Variants in RSBN1L observed in about 807,000 individuals in gnomAD.
The protein encoded by RSBN1L is lysine-specific demethylase RSBN1L.
In RSBN1L, 30 loss-of-function variants were observed where a neutral mutation model predicts 67.7. The ratio of observed to expected loss-of-function variants is 0.44; its 90% CI spans 0.33 to 0.60. The LOEUF (loss-of-function observed/expected upper bound fraction) is 0.60. RSBN1L is among the 20% of genes least tolerant of loss of function. RSBN1L has a pLI of 0.02. For missense variants in RSBN1L, 992 were observed against 1,031.7 expected (o/e 0.96, Z 0.53); for synonymous variants, 433 against 387.0 (o/e 1.12, Z -1.39).
chr7:77,779,206 T>A lies in RSBN1L; in HGVS notation c.*38T>A, dbSNP rs774943664. 5.0e-5 allele frequency: 69 copies of A among 1,386,400 alleles called. No individual in the cohort carries two copies. The East Asian group carries it at 7.0e-4, about 14-fold the overall frequency. The allele number at this position is 1,386,400 out of a possible 1,614,324, so 85.9% of individuals were successfully genotyped here. ...CATCTAAAATCCTTTTTTAAAAAAATTTAATGTAATAAAGATTCATGAATT... is the reference window on the plus strand; with the variant it reads ...CATCTAAAATCCTTTTTTAAAAAAAATTAATGTAATAAAGATTCATGAATT... On this transcript the variant is annotated 3_prime_UTR_variant, in exon 8 of 8. Transcript: ENST00000334955.
chr7:77,770,213 A>G (rs1791828347), intron 5 of RSBN1L, among the ~76,000 whole-genome samples: 1 of 152,128 alleles, frequency 6.6e-6, no homozygotes, highest in Non-Finnish European at 1.5e-5. Context: ...GTCTCTACTA[A>G]AAATAGAACA....
intron 5 of RSBN1L, among the ~76,000 whole-genome samples, chr7:77,769,099 G>A (rs1791812292): frequency 6.6e-6 from 1 of 152,142 alleles, no homozygotes. Flanking sequence ...AGACTAAAAT[G>A]TTTTGTGGAG....
At chr7:77,705,667 A>G (rs559585473) in intron 1 of RSBN1L, among the ~76,000 whole-genome samples, 74 of 152,022 alleles carry the variant, frequency 4.9e-4, no homozygotes, top group Middle Eastern at 3.4e-3. Context: ...GCATGCCACC[A>G]TGCCCAGCTA....
Position 77,782,762 on chromosome 7 carries a change from G to A in RSBN1L, c.*3594G>A, listed in dbSNP as rs142499117. ...GGAAGATTTTATTTTTTAAGTTGTC[G>A]TTAAGGTATTTCATTAGTGTTCCTG... On this transcript the variant is annotated 3_prime_UTR_variant, in exon 8 of 8. Transcript: ENST00000334955. The A allele has an allele frequency of 1.3e-4, 20 of 152,012 alleles. No homozygotes were observed. The highest frequency in any genetic ancestry group is 3.9e-4 in the African/African-American group (16 of 41,392). 9.4% of individuals were successfully genotyped at this position (152,012 alleles called of 1,614,324 possible). A position where few individuals can be genotyped will look rare whatever the true frequency, so the allele number is the denominator to read the frequency against.
intron 1 of RSBN1L, among the ~76,000 whole-genome samples, chr7:77,699,066 G>A (rs1430282133): frequency 6.6e-6 from 1 of 152,134 alleles, no homozygotes; most frequent in East Asian, 1.9e-4. Context: ...TTGCAAATAT[G>A]AAAGTCCTGA....
chr7:77,782,677 G>T lies in RSBN1L; in HGVS notation c.*3509G>T, dbSNP rs193082394. ...GTGGGAAATAATTATGTTTGTTTCC[G>T]CATATATTCATTTTTAATGCATTCT... On this transcript the variant is annotated 3_prime_UTR_variant, in exon 8 of 8. Coordinates refer to ENST00000334955, the MANE Select transcript of RSBN1L (RefSeq NM_198467.3). 2 of 152,024 alleles carry T rather than the reference G, an allele frequency of 1.3e-5. No homozygotes were observed. Among genetic ancestry groups the T allele is most frequent in the African/African-American group, 2.4e-5 (1 of 41,402 alleles). 9.4% of individuals were successfully genotyped at this position (152,024 alleles called of 1,614,324 possible). A position where few individuals can be genotyped will look rare whatever the true frequency, so the allele number is the denominator to read the frequency against.
At chr7:77,702,365 C>T (rs1341464607) in intron 1 of RSBN1L, among the ~76,000 whole-genome samples, 2 of 152,126 alleles carry the variant, frequency 1.3e-5, no homozygotes, top group African/African-American at 2.4e-5. Context: ...TTTCTGTTTC[C>T]TCTTCAAGGA....
At chr7:77,703,166 G>C (rs1790840918) in intron 1 of RSBN1L, among the ~76,000 whole-genome samples, 1 of 152,034 alleles carries the variant, frequency 6.6e-6, no homozygotes, top group South Asian at 2.1e-4. Context: ...TCTCTTTTCT[G>C]TGAGGGATAC....
intron 3 of RSBN1L, among the ~76,000 whole-genome samples, chr7:77,755,445 A>C (rs1791604300): frequency 6.6e-6 from 1 of 152,086 alleles, no homozygotes; most frequent in African/African-American, 2.4e-5. Context: ...CAGTCGGATC[A>C]CCTGAGGTCA....
intron 1 of RSBN1L, among the ~76,000 whole-genome samples, chr7:77,712,819 C>CTT (rs10687423): frequency 0.95 from 144,016 of 152,216 alleles, 68,226 homozygotes; most frequent in East Asian, 1. Flanking sequence ...TAAAATAAAA[C>CTT]AATGTGTAGG....
Position 77,725,290 on chromosome 7 carries a change from C to T in RSBN1L, c.587-11120C>T, listed in dbSNP as rs1198390718. On this transcript the variant is annotated intron_variant, in intron 1 of 7. Transcript: ENST00000334955. The stretch of plus-strand genomic sequence containing the variant: ...TGAGATGGAATTTTGCTCTTGTGGC[C>T]CAAGCTGGAGTGCAGTGGTGCGATC... Among the ~76,000 whole-genome samples the T allele has an allele frequency of 3.3e-5, 3 of 91,256 alleles. No homozygotes were observed. The East Asian group carries it at 8.0e-4, about 24-fold the overall frequency. 59.9% of individuals were successfully genotyped at this position (91,256 alleles called of 152,430 possible).
At chr7:77,702,968 T>G (rs1286636831) in intron 1 of RSBN1L, among the ~76,000 whole-genome samples, 1 of 152,216 alleles carries the variant, frequency 6.6e-6, no homozygotes, top group Non-Finnish European at 1.5e-5. Context: ...TACAGTCACA[T>G]TGGGCATTAA....
At chr7:77,743,303 T>G (rs1041346487) in intron 2 of RSBN1L, among the ~76,000 whole-genome samples, 1 of 152,042 alleles carries the variant, frequency 6.6e-6, no homozygotes, top group African/African-American at 2.4e-5. Context: ...TGATGCTCAG[T>G]CTAAGAATCT....
At position 77,699,266 on chromosome 7, in the gene RSBN1L, A is replaced by C. The variant is rs528267972; in HGVS notation, c.586+2211A>C. ...AGTCAGAACCAGACATTAGCTATAAAGACACCTAAACAAGGAAGAGATTCT... is the reference window on the plus strand; with the variant it reads ...AGTCAGAACCAGACATTAGCTATAACGACACCTAAACAAGGAAGAGATTCT... On this transcript the variant is annotated intron_variant, in intron 1 of 7. Transcript: ENST00000334955. Among the ~76,000 whole-genome samples the C allele has an allele frequency of 3.8e-4, 58 of 152,336 alleles. 2 individuals carry two copies. The South Asian group carries it at 0.012, about 32-fold the overall frequency.
In RSBN1L at chr7:77,778,732, A is replaced by G. The variant is rs1199433673; in HGVS notation, c.2105A>G (p.Asn702Ser). 36 of 1,614,036 alleles carry G rather than the reference A, an allele frequency of 2.2e-5. No homozygotes were observed. Among genetic ancestry groups the G allele is most frequent in the Non-Finnish European group, 2.9e-5 (34 of 1,180,018 alleles). ...CACTCAGAGGAGGACACTTCTCAGA[A>G]TACAGCTACTCATGAAACAGGCACA... is the stretch of plus-strand genomic sequence containing the variant. The part of the protein sequence containing the change: ...LYHSEEDTSQ[N>S]TATHETGTSS... Residue 702 changes from asparagine (N) to serine (S), a missense_variant, in exon 8 of 8, where the codon AAT becomes AGT. Physicochemically the swap from Asn to Ser is conservative, Grantham distance 46. Around this residue, in one of 7 missense-constraint regions of RSBN1L, gnomAD observed 199 missense variants for 167.7 expected, o/e 1.19. Coordinates refer to ENST00000334955, the MANE Select transcript of RSBN1L (RefSeq NM_198467.3).
chr7:77,768,905 C>A, intron 5 of RSBN1L, 102 bp downstream of exon 5: 3 of 940,724 alleles, frequency 3.2e-6, no homozygotes, highest in South Asian at 1.8e-5. Flanking sequence ...AAGTTTAGAG[C>A]ATAATTGGAA....
At chr7:77,720,690 T>C (rs1390010964) in intron 1 of RSBN1L, among the ~76,000 whole-genome samples, 1 of 152,100 alleles carries the variant, frequency 6.6e-6, no homozygotes, top group African/African-American at 2.4e-5. Context: ...TTAATATGTA[T>C]AATTACAAAG....
chr7:77,754,670 A>T (rs937186336), intron 3 of RSBN1L, among the ~76,000 whole-genome samples: 7 of 152,114 alleles, frequency 4.6e-5, no homozygotes, highest in African/African-American at 1.2e-4. Context: ...TGGTACTGTC[A>T]TGCATATGCT....
At chr7:77,739,723 A>G (rs1777585452) in intron 2 of RSBN1L, among the ~76,000 whole-genome samples, 1 of 140,326 alleles carries the variant, frequency 7.1e-6, no homozygotes. Flanking sequence ...AAAAAAAAAA[A>G]AAAAAAAAAA....
Sources: allele counts gnomAD v4.1 joint callset (sites outside exome capture counted in the v4.1 genomes callset), GRCh38; gene constraint gnomAD v4.1.1; regional missense constraint gnomAD v4.1.1; transcripts MANE v1.5; gene names NCBI Gene and HGNC (gene_info 2026-07-23, HGNC 2026-07-21).